The following ARHGEF17 variants were observed in gnomAD, a reference collection of about 807,000 sequenced individuals.
The protein encoded by ARHGEF17 is Rho guanine nucleotide exchange factor 17, also known as 164 kDa Rho-specific guanine-nucleotide exchange factor.
In ARHGEF17, 80 loss-of-function variants were observed where a neutral mutation model predicts 174.0. The ratio of observed to expected loss-of-function variants is 0.46; its 90% CI spans 0.38 to 0.55. The LOEUF is 0.55. Ranked by LOEUF, ARHGEF17 falls within the 20% of genes least tolerant of loss-of-function variation. ARHGEF17 has a pLI of 0.00. For missense variants in ARHGEF17, 2,886 were observed against 2,839.7 expected, an observed-to-expected ratio of 1.02 and a Z score of -0.37; for synonymous variants, 1,311 against 1,189.1, an observed-to-expected ratio of 1.10 and a Z score of -2.11.
Position 73,355,665 on chromosome 11 carries a change from G to A in ARHGEF17, c.3570+16G>A, listed in dbSNP as rs1865625067. On this transcript the variant is annotated intron_variant, in intron 4 of 20. Coordinates refer to ENST00000263674, the MANE Select transcript of ARHGEF17 (RefSeq NM_014786.4). ...GTTCCTAGAGGTACTGTGGGCTAGG[G>A]CAGGGGGATGGAGGTGACCCTCACC... The A allele has an allele frequency of 6.2e-7, 1 of 1,608,542 alleles. No homozygotes were observed. The highest frequency in any genetic ancestry group is 1.1e-5 in the South Asian group (1 of 90,980).
intron 1 of ARHGEF17, among the ~76,000 whole-genome samples, chr11:73,320,233 C>T (rs1864994036): frequency 6.6e-6 from 1 of 152,084 alleles, no homozygotes; most frequent in South Asian, 2.1e-4. Flanking sequence ...AGAATGCTGT[C>T]TCCCCGCACG....
At chr11:73,327,617 GCCA>G (rs1231676039) in intron 1 of ARHGEF17, among the ~76,000 whole-genome samples, 2 of 152,216 alleles carry the variant, frequency 1.3e-5, no homozygotes, top group African/African-American at 4.8e-5. Context: ...GACATAGGAA[GCCA>G]CACCTGGCAG....
intron 1 of ARHGEF17, among the ~76,000 whole-genome samples, chr11:73,328,940 A>T (rs939349438): frequency 6.6e-6 from 1 of 152,086 alleles, no homozygotes; most frequent in African/African-American, 2.4e-5. Flanking sequence ...GAGAGGCAGG[A>T]TGGAGAAGGA....
intron 1 of ARHGEF17, among the ~76,000 whole-genome samples, chr11:73,330,888 G>A (rs192289566): frequency 1.3e-5 from 2 of 152,332 alleles, no homozygotes; most frequent in Non-Finnish European, 1.5e-5. Context: ...GAGGAGAGGG[G>A]CAGGCACCCA....
In ARHGEF17 at chr11:73,356,365, G is replaced by GCCC; in HGVS notation, c.3840+16_3840+18dup. 6.3e-7 allele frequency: 1 copy of GCCC among 1,593,358 alleles called. No homozygotes were observed. The highest frequency in any genetic ancestry group is 8.5e-7 in the Non-Finnish European group (1 of 1,173,906). On this transcript the variant is annotated intron_variant, in intron 6 of 20. Transcript: ENST00000263674. ...GGCATGGAGGATGTGCGTGCGCCCT[G>GCCC]CCCCACCCCACCCTACCCCACCCCA...
intron 9 of ARHGEF17, 108 bp downstream of exon 9, chr11:73,357,435 T>C (rs546360056): frequency 2.3e-4 from 240 of 1,051,422 alleles, no homozygotes; most frequent in Non-Finnish European, 3.1e-4. Context: ...GCTTTTCCAC[T>C]TTTGGGCCTC....
At chr11:73,318,287 TGG>T (rs1257153528) in intron 1 of ARHGEF17, among the ~76,000 whole-genome samples, 1 of 149,740 alleles carries the variant, frequency 6.7e-6, no homozygotes, top group African/African-American at 2.5e-5. Flanking sequence ...TGGCAGGCTG[TGG>T]TGCTCACTGT....
intron 1 of ARHGEF17, among the ~76,000 whole-genome samples, chr11:73,315,975 G>A (rs899027996): frequency 1.5e-5 from 2 of 137,922 alleles, no homozygotes; most frequent in African/African-American, 5.5e-5. Context: ...ACACATTGCT[G>A]CCCCAAAGCA....
chr11:73,309,067 C>A lies in ARHGEF17; in HGVS notation c.429C>A (p.Ala143=). The A allele has an allele frequency of 6.6e-7, 1 of 1,512,032 alleles. No homozygotes were observed. The highest frequency in any genetic ancestry group is 8.8e-7 in the Non-Finnish European group (1 of 1,134,982). The allele number at this position is 1,512,032 out of a possible 1,614,324, so 93.7% of individuals were successfully genotyped here. Residue 143 remains alanine (A), a synonymous_variant, in exon 1 of 21, where the codon GCC becomes GCA. Coordinates refer to ENST00000263674, the MANE Select transcript of ARHGEF17 (RefSeq NM_014786.4). ...FGGPGSRRPS[A]DSESPGTPSP... ...GTCCTGGCTCCAGGAGGCCCAGCGCCGACTCTGAATCCCCAGGAACGCCCA... is the reference window on the plus strand; with the variant it reads ...GTCCTGGCTCCAGGAGGCCCAGCGCAGACTCTGAATCCCCAGGAACGCCCA...
intron 1 of ARHGEF17, among the ~76,000 whole-genome samples, chr11:73,337,222 T>G (rs6592520): frequency 0.31 from 46,680 of 151,794 alleles, 9,416 homozygotes; most frequent in African/African-American, 0.58. Context: ...TCCCAGGAGT[T>G]CAAGACTAGG....
chr11:73,328,302 T>G (rs1865136824), intron 1 of ARHGEF17, among the ~76,000 whole-genome samples: 1 of 152,180 alleles, frequency 6.6e-6, no homozygotes. Flanking sequence ...CTCTGCAGGC[T>G]GGGGGCTCTG....
rs142645794 is a variant in ARHGEF17 at position 73,334,723 on chromosome 11, A to G, written c.3193-12160A>G. 5.6e-3 allele frequency among the ~76,000 whole-genome samples: 856 copies of G among 151,916 alleles called. 3 individuals carry two copies. The highest frequency in any genetic ancestry group is 8.1e-3 in the Non-Finnish European group (552 of 67,938). On this transcript the variant is annotated intron_variant, in intron 1 of 20. Coordinates refer to ENST00000263674, the MANE Select transcript of ARHGEF17 (RefSeq NM_014786.4). The stretch of plus-strand genomic sequence containing the variant: ...TCATCTTCTGCACCAGAGGCAGGAC[A>G]CCCCATCCCACCGACAACACATGAC...
chr11:73,340,880 G>A (rs935241729), intron 1 of ARHGEF17, among the ~76,000 whole-genome samples: 3 of 152,220 alleles, frequency 2.0e-5, no homozygotes, highest in African/African-American at 7.2e-5. Context: ...CCAGCCCTGG[G>A]AGGAGGAAGA....
At position 73,311,647 on chromosome 11, in the gene ARHGEF17, C is replaced by G; in HGVS notation, c.3009C>G (p.Leu1003=). Residue 1003 remains leucine, a synonymous_variant, in exon 1 of 21, where the codon CTC becomes CTG. Transcript: ENST00000263674. ...RAHPTLQAPS[L]EDVTKQYMLN... ...ATCCCACGTTGCAGGCACCATCGCTCGAGGACGTCACCAAGCAGTACATGC... is the reference window on the plus strand; with the variant it reads ...ATCCCACGTTGCAGGCACCATCGCTGGAGGACGTCACCAAGCAGTACATGC... 1 of 1,613,364 alleles carries G rather than the reference C, an allele frequency of 6.2e-7. No homozygotes were observed. The highest frequency in any genetic ancestry group is 8.5e-7 in the Non-Finnish European group (1 of 1,179,970).
intron 18 of ARHGEF17, 98 bp downstream of exon 18, chr11:73,364,698 G>A (rs892065913): frequency 6.4e-5 from 94 of 1,467,226 alleles, no homozygotes; most frequent in Non-Finnish European, 8.2e-5. Flanking sequence ...GCAGCATCCA[G>A]CAGAGGGCTA....
chr11:73,317,398 G>A (rs78928574), intron 1 of ARHGEF17, among the ~76,000 whole-genome samples: 2,541 of 152,308 alleles, frequency 0.017, 73 homozygotes, highest in African/African-American at 0.058. Flanking sequence ...CTCAGAGTGG[G>A]CAGGGTCTGC....
rs573244172 is a variant in ARHGEF17, at chr11:73,359,681, C to T, written c.4088-153C>T. ...GGTTCCTCAGGGAGCTGCCTGTTAACTTTTTTCCCAAGAGCTTGGGGTTTC... is the reference window on the plus strand; with the variant it reads ...GGTTCCTCAGGGAGCTGCCTGTTAATTTTTTTCCCAAGAGCTTGGGGTTTC... On this transcript the variant is annotated intron_variant, in intron 9 of 20. Coordinates refer to ENST00000263674, the MANE Select transcript of ARHGEF17 (RefSeq NM_014786.4). Among the ~76,000 whole-genome samples the T allele has an allele frequency of 7.9e-5, 12 of 152,370 alleles. No homozygotes were observed. The South Asian group carries it at 2.5e-3, about 32-fold the overall frequency.
chr11:73,310,389 C>T lies in ARHGEF17; in HGVS notation c.1751C>T (p.Pro584Leu). Reference sequence around the variant, plus strand: ...CCTGGTGCCGAGGAGGATCCGCTGCCCCTCATCGTCCAGGACCAATATGTG... The same window carrying T: ...CCTGGTGCCGAGGAGGATCCGCTGCTCCTCATCGTCCAGGACCAATATGTG... The part of the protein sequence containing the change: ...TGPGAEEDPL[P>L]LIVQDQYVQE... The change falls in exon 1 of 21, where the codon CCC (proline) becomes CTC (leucine). Residue 584 changes from proline to leucine, a missense_variant. Pro to Leu is a moderately conservative substitution (Grantham distance 98). This residue lies in a region of ARHGEF17 where 1,728 missense variants were observed against 1,461.2 expected (regional missense o/e 1.18). Transcript: ENST00000263674. 1.9e-6 allele frequency: 3 copies of T among 1,613,930 alleles called. No individual in the cohort carries two copies. The highest frequency in any genetic ancestry group is 1.1e-5 in the South Asian group (1 of 91,086).
Position 73,356,129 on chromosome 11 carries a change from C to T in ARHGEF17, c.3664-46C>T, listed in dbSNP as rs188460447. 164 of 1,606,860 alleles carry T rather than the reference C, an allele frequency of 1.0e-4. No homozygotes were observed. The African/African-American group carries it at 2.0e-3, about 20-fold the overall frequency. On this transcript the variant is annotated intron_variant, in intron 5 of 20. Transcript: ENST00000263674. Reference sequence around the variant, plus strand: ...CCTCCTGCTCCAGCAGTCTGGGGCCCCAGGGGTAGCTAAGCAGTCAGGTCT... The same window carrying T: ...CCTCCTGCTCCAGCAGTCTGGGGCCTCAGGGGTAGCTAAGCAGTCAGGTCT...
Sources: gnomAD v4.1 joint callset for allele counts (sites outside exome capture counted in the v4.1 genomes callset) on GRCh38, gnomAD v4.1.1 for gene constraint, gnomAD v4.1.1 regional missense constraint, MANE v1.5 for transcripts, NCBI Gene and HGNC (gene_info 2026-07-23, HGNC 2026-07-21) for gene names.